Variants in NDC1 observed in about 807,000 individuals in gnomAD.
NDC1 encodes the protein NDC1 transmembrane nucleoporin.
In NDC1, 24 loss-of-function variants were observed where a neutral mutation model predicts 89.8. The ratio of observed to expected loss-of-function variants is 0.27; its 90% CI spans 0.19 to 0.38. NDC1 has a LOEUF of 0.38. Among genes scored for constraint, NDC1 ranks in the 10% least tolerant of loss-of-function variants. The pLI is 1.00. For missense variants in NDC1, 728 were observed against 797.6 expected (o/e 0.91, Z 1.05); for synonymous variants, 296 against 284.8 (o/e 1.04, Z -0.39).
chr1:53,816,224 C>G (rs1398801031), intron 6 of NDC1, among the ~76,000 whole-genome samples: 1 of 152,192 alleles, frequency 6.6e-6, no homozygotes, highest in African/African-American at 2.4e-5. Context: ...GTCACCAAAA[C>G]AGAGCGGTAC....
chr1:53,828,595 A>AT (rs1553150809), intron 3 of NDC1, among the ~76,000 whole-genome samples: 248 of 150,892 alleles, frequency 1.6e-3, no homozygotes, highest in African/African-American at 5.5e-3. Context: ...TTATTTATTT[A>AT]TTTATTTTAT....
intron 17 of NDC1, among the ~76,000 whole-genome samples, chr1:53,769,942 A>G (rs1312453230): frequency 6.6e-6 from 1 of 152,216 alleles, no homozygotes; most frequent in Non-Finnish European, 1.5e-5. Context: ...CACTACTTGC[A>G]TAATCTTGGG....
At chr1:53,836,451 C>CA (rs1245566049) in intron 1 of NDC1, among the ~76,000 whole-genome samples, 27,243 of 94,034 alleles carry the variant, frequency 0.29, 3,056 homozygotes, top group African/African-American at 0.38. Flanking sequence ...CTCTGTCTAA[C>CA]AAAAAAAAAA....
intron 16 of NDC1, among the ~76,000 whole-genome samples, chr1:53,775,543 G>A (rs1284633449): frequency 6.6e-6 from 1 of 152,072 alleles, no homozygotes; most frequent in Non-Finnish European, 1.5e-5. Flanking sequence ...ACAGGCATGA[G>A]CTACCGCACC....
rs556040724 is a variant in NDC1, at chr1:53,765,737, A to G, written c.*2233T>C. 1 of 152,178 alleles carries G rather than the reference A, an allele frequency of 6.6e-6. No individual in the cohort carries two copies. The highest frequency in any genetic ancestry group is 1.5e-5 in the Non-Finnish European group (1 of 68,038). 9.4% of individuals were successfully genotyped at this position (152,178 alleles called of 1,614,324 possible). ...ATAAGGGTCAAGCAAACATGCTAAG[A>G]GCTGATACCATCATGTTTTTATACT... On this transcript the variant is annotated 3_prime_UTR_variant, in exon 18 of 18. Coordinates refer to ENST00000371429, the MANE Select transcript of NDC1 (RefSeq NM_018087.5).
intron 2 of NDC1, among the ~76,000 whole-genome samples, chr1:53,834,964 C>T (rs764380972): frequency 8.1e-6 from 1 of 123,988 alleles, no homozygotes; most frequent in Non-Finnish European, 1.6e-5. Flanking sequence ...AAAAATCAGC[C>T]GGGCGTGGTG....
intron 4 of NDC1, 84 bp from the exon 5 acceptor site, chr1:53,826,020 CTTAA>C: frequency 1.3e-5 from 17 of 1,337,276 alleles, no homozygotes; most frequent in Non-Finnish European, 1.6e-5. Context: ...GAAGGCAAAG[CTTAA>C]TTACTTTAAT....
Position 53,796,928 on chromosome 1 carries a change from C to A in NDC1, c.1439G>T (p.Arg480Met). ...AGCTGATGTCCACAATCTTGGCCCC[C>A]TTCTTATTAGCTGAGGACTTTGCGG... ...GSPQSPQLIR[R>M]GPRLWTSASD... Residue 480 changes from arginine to methionine, a missense_variant, in exon 12 of 18, where the codon AGG (arginine) becomes ATG (methionine). Coordinates refer to ENST00000371429, the MANE Select transcript of NDC1 (RefSeq NM_018087.5). 1 of 1,614,132 alleles carries A rather than the reference C, an allele frequency of 6.2e-7. No homozygotes were observed.
At chr1:53,825,747 A>T (rs1648832594) in intron 5 of NDC1, 51 bp downstream of exon 5, 1 of 1,521,962 alleles carries the variant, frequency 6.6e-7, no homozygotes, top group Non-Finnish European at 8.8e-7. Flanking sequence ...GCACCAAGGC[A>T]ATTTTACCTC....
intron 16 of NDC1, among the ~76,000 whole-genome samples, chr1:53,774,338 T>C (rs1265574105): frequency 6.6e-6 from 1 of 152,180 alleles, no homozygotes; most frequent in African/African-American, 2.4e-5. Flanking sequence ...AAAGTGACAG[T>C]TGAAAAAATA....
intron 16 of NDC1, among the ~76,000 whole-genome samples, chr1:53,780,116 C>T (rs1570161765): frequency 6.6e-6 from 1 of 152,084 alleles, no homozygotes; most frequent in South Asian, 2.1e-4. Context: ...GGCTGAAGAG[C>T]AATGGCACAA....
intron 2 of NDC1, among the ~76,000 whole-genome samples, chr1:53,834,030 G>A (rs957179130): frequency 5.3e-5 from 8 of 151,880 alleles, no homozygotes; most frequent in Admixed American, 1.3e-4. Flanking sequence ...CAATCCGCCC[G>A]CCTCAGCCTC....
chr1:53,814,784 C>T (rs984831212), intron 6 of NDC1, among the ~76,000 whole-genome samples: 1 of 152,128 alleles, frequency 6.6e-6, no homozygotes, highest in Non-Finnish European at 1.5e-5. Context: ...ACAACTGACA[C>T]CACTGAAATA....
At chr1:53,807,119 C>T (rs1409021605) in intron 8 of NDC1, among the ~76,000 whole-genome samples, 5 of 151,778 alleles carry the variant, frequency 3.3e-5, no homozygotes, top group South Asian at 4.2e-4. Flanking sequence ...TGGTGGCACA[C>T]GCCTGTAGTC....
chr1:53,794,398 A>T (rs1647625364), intron 13 of NDC1, among the ~76,000 whole-genome samples: 1 of 152,210 alleles, frequency 6.6e-6, no homozygotes, highest in Admixed American at 6.5e-5. Flanking sequence ...AAGCTGCATG[A>T]CTAGTCAGAA....
chr1:53,834,148 G>A (rs538532823), intron 2 of NDC1, among the ~76,000 whole-genome samples: 1 of 152,316 alleles, frequency 6.6e-6, no homozygotes, highest in South Asian at 2.1e-4. Context: ...TTCTGATGAG[G>A]AAAATGGCAT....
At chr1:53,835,463 G>A in intron 2 of NDC1, 37 bp downstream of exon 2, 1 of 1,572,476 alleles carries the variant, frequency 6.4e-7, no homozygotes, top group Non-Finnish European at 8.6e-7. Context: ...TGAGAAGTAG[G>A]TCCTATAACT....
intron 16 of NDC1, among the ~76,000 whole-genome samples, chr1:53,783,918 AG>A (rs1647245551): frequency 6.6e-6 from 1 of 152,228 alleles, no homozygotes; most frequent in Non-Finnish European, 1.5e-5. Context: ...AGAGCAAGAC[AG>A]GGCTTGACCT....
intron 16 of NDC1, among the ~76,000 whole-genome samples, chr1:53,779,059 A>G (rs191671037): frequency 6.8e-6 from 1 of 146,908 alleles, no homozygotes; most frequent in East Asian, 2.0e-4. Flanking sequence ...GGGAGGATCA[A>G]TTAAGCCCAG....
Sources: allele counts gnomAD v4.1 joint callset (sites outside exome capture counted in the v4.1 genomes callset), GRCh38; gene constraint gnomAD v4.1.1; transcripts MANE v1.5; gene names NCBI Gene and HGNC (gene_info 2026-07-23, HGNC 2026-07-21).